RALYL: variants seen among roughly 807,000 people sequenced by gnomAD.
RALYL encodes RNA-binding Raly-like protein.
RALYL carries 29 observed loss-of-function variants against 35.1 expected under a neutral mutation model. That is an observed-to-expected ratio of 0.83 (90% confidence interval 0.61 to 1.13). The LOEUF (loss-of-function observed/expected upper bound fraction) is 1.13, where lower values mean the gene tolerates loss of function less well. RALYL is among the 50% of genes most tolerant of loss of function. The pLI is 0.00. For missense variants in RALYL, 359 were observed against 360.4 expected, an observed-to-expected ratio of 1.00 and a Z score of 0.03; for synonymous variants, 120 against 127.6, an observed-to-expected ratio of 0.94 and a Z score of 0.40.
chr8:84,370,908 C>A (rs1388932142), intron 1 of RALYL, among the ~76,000 whole-genome samples: 1 of 151,902 alleles, frequency 6.6e-6, no homozygotes, highest in African/African-American at 2.4e-5. Context: ...GAGACAAAGA[C>A]AGTTTCATTA....
At chr8:84,287,546 T>C (rs1021859373) in intron 1 of RALYL, among the ~76,000 whole-genome samples, 3 of 151,586 alleles carry the variant, frequency 2.0e-5, no homozygotes, top group Non-Finnish European at 4.4e-5. Flanking sequence ...TACATGAGAA[T>C]CGAAAGAGGA....
At chr8:84,661,155 C>T (rs1048272020) in intron 2 of RALYL, among the ~76,000 whole-genome samples, 2 of 152,020 alleles carry the variant, frequency 1.3e-5, no homozygotes, top group African/African-American at 4.8e-5. Flanking sequence ...GTCTCGATCT[C>T]CTGACCTCAT....
intron 1 of RALYL, among the ~76,000 whole-genome samples, chr8:84,301,052 G>A (rs1019272148): frequency 4.0e-5 from 6 of 151,884 alleles, no homozygotes; most frequent in African/African-American, 1.4e-4. Context: ...CCCTGTGTAA[G>A]GTACCTCTTA....
chr8:84,529,854 G>T (rs1199988062), intron 2 of RALYL, among the ~76,000 whole-genome samples: 2 of 152,070 alleles, frequency 1.3e-5, no homozygotes, highest in African/African-American at 2.4e-5. Flanking sequence ...TATGCATCAG[G>T]TTTAACTTTA....
At position 84,253,632 on chromosome 8, in the gene RALYL, T is replaced by A. The variant is rs577434890; in HGVS notation, c.-24+69208T>A. Among the ~76,000 whole-genome samples, 168 of 152,252 alleles carry A rather than the reference T, an allele frequency of 1.1e-3. 3 individuals carry two copies. The highest frequency in any genetic ancestry group is 1.7e-3 in the Non-Finnish European group (116 of 68,010). On this transcript the variant is annotated intron_variant, in intron 1 of 8. Coordinates refer to ENST00000521268, the MANE Select transcript of RALYL (RefSeq NM_173848.7). ...CCCCGGGGTGCTGTTACAGTTCTTGTATCAGACCTTAAAATAGAAAAGAAG... is the reference window on the plus strand; with the variant it reads ...CCCCGGGGTGCTGTTACAGTTCTTGAATCAGACCTTAAAATAGAAAAGAAG...
At chr8:84,704,114 T>C (rs768114075) in intron 2 of RALYL, among the ~76,000 whole-genome samples, 33 of 152,186 alleles carry the variant, frequency 2.2e-4, no homozygotes, top group African/African-American at 2.9e-4. Flanking sequence ...GACTTTATCA[T>C]TGAAACTTGT....
intron 5 of RALYL, among the ~76,000 whole-genome samples, 171 bp downstream of exon 5, chr8:84,850,198 C>G (rs1455310510): frequency 2.0e-5 from 3 of 152,068 alleles, no homozygotes; most frequent in Non-Finnish European, 4.4e-5. Context: ...TTTCATTATA[C>G]TTACTTGAGT....
intron 2 of RALYL, among the ~76,000 whole-genome samples, chr8:84,577,347 C>T (rs953986979): frequency 3.3e-5 from 5 of 152,216 alleles, no homozygotes; most frequent in Middle Eastern, 6.8e-3. Flanking sequence ...TCTGTAGCAG[C>T]GTGGCAGGTA....
At chr8:84,283,113 A>G (rs1388695924) in intron 1 of RALYL, among the ~76,000 whole-genome samples, 1 of 152,158 alleles carries the variant, frequency 6.6e-6, no homozygotes, top group East Asian at 1.9e-4. Flanking sequence ...TTTGTACCAT[A>G]AAGAATAACA....
intron 1 of RALYL, among the ~76,000 whole-genome samples, chr8:84,329,445 G>A (rs925505350): frequency 4.0e-5 from 6 of 151,772 alleles, no homozygotes; most frequent in Non-Finnish European, 7.4e-5. Flanking sequence ...ACTTTTTATG[G>A]GATTATGTGT....
intron 1 of RALYL, among the ~76,000 whole-genome samples, chr8:84,352,489 C>T (rs941023860): frequency 1.3e-5 from 2 of 150,178 alleles, no homozygotes; most frequent in Non-Finnish European, 3.0e-5. Flanking sequence ...AGAGTGTATA[C>T]CACTTTTGTT....
At chr8:84,284,040 A>G (rs1327731752) in intron 1 of RALYL, among the ~76,000 whole-genome samples, 2 of 152,166 alleles carry the variant, frequency 1.3e-5, no homozygotes, top group Non-Finnish European at 2.9e-5. Flanking sequence ...TACAAACTAT[A>G]ATTTTGTTGT....
chr8:84,602,387 T>C (rs1816170923), intron 2 of RALYL, among the ~76,000 whole-genome samples: 1 of 152,128 alleles, frequency 6.6e-6, no homozygotes, highest in African/African-American at 2.4e-5. Context: ...CTCTATTTAT[T>C]CCATCTTTAT....
chr8:84,691,222 TG>T (rs549945981), intron 2 of RALYL, among the ~76,000 whole-genome samples: 11 of 152,194 alleles, frequency 7.2e-5, no homozygotes, highest in Admixed American at 3.3e-4. Flanking sequence ...AAATGATAAA[TG>T]GGCTTGTGAT....
At position 84,264,472 on chromosome 8, in the gene RALYL, ATTTG is replaced by A. The variant is rs1832906032; in HGVS notation, c.-24+80053_-24+80056del. Among the ~76,000 whole-genome samples the A allele has an allele frequency of 2.2e-5, 3 of 139,276 alleles. No homozygotes were observed. The South Asian group carries it at 6.6e-4, about 31-fold the overall frequency. 91.4% of individuals were successfully genotyped at this position (139,276 alleles called of 152,430 possible). A position where few individuals can be genotyped will look rare whatever the true frequency, so the allele number is the denominator to read the frequency against. Reference sequence around the variant, plus strand: ...TGGTTTTTTTTTTTTTTTTTTGTAAATTTGTTTGAGTTCCTTGTAGATTCTGGAT... The same window carrying A: ...TGGTTTTTTTTTTTTTTTTTTGTAAATTTGAGTTCCTTGTAGATTCTGGAT... On this transcript the variant is annotated intron_variant, in intron 1 of 8. Transcript: ENST00000521268.
chr8:84,759,575 T>G (rs1812208018), intron 2 of RALYL, among the ~76,000 whole-genome samples: 1 of 152,160 alleles, frequency 6.6e-6, no homozygotes, highest in African/African-American at 2.4e-5. Flanking sequence ...GTAACTGGGT[T>G]TAGTTTAAGA....
At chr8:84,800,933 G>T (rs113468688) in intron 3 of RALYL, among the ~76,000 whole-genome samples, 21 of 152,218 alleles carry the variant, frequency 1.4e-4, no homozygotes, top group African/African-American at 5.1e-4. Context: ...CAGGAACAGT[G>T]CTAGATGCTC....
At chr8:84,501,015 T>A (rs1030137569) in intron 1 of RALYL, among the ~76,000 whole-genome samples, 1 of 152,170 alleles carries the variant, frequency 6.6e-6, no homozygotes, top group Non-Finnish European at 1.5e-5. Context: ...GTGAGTACTT[T>A]TGAGATTCAT....
At chr8:84,828,056 T>C (rs909721308) in intron 4 of RALYL, among the ~76,000 whole-genome samples, 1 of 152,240 alleles carries the variant, frequency 6.6e-6, no homozygotes, top group South Asian at 2.1e-4. Context: ...TTGTCCATAA[T>C]AGGATCAACA....
Sources: gnomAD v4.1 joint callset for allele counts (sites outside exome capture counted in the v4.1 genomes callset) on GRCh38, gnomAD v4.1.1 for gene constraint, MANE v1.5 for transcripts, NCBI Gene and HGNC (gene_info 2026-07-23, HGNC 2026-07-21) for gene names.